The following SCAPER variants were observed in gnomAD, a reference collection of about 807,000 sequenced individuals.
SCAPER encodes S-phase cyclin A associated protein in the ER, also known as S phase cyclin A-associated protein in the endoplasmic reticulum.
SCAPER carries 98 observed loss-of-function variants against 182.2 expected under a neutral mutation model. The observed-to-expected ratio is 0.54, with a 90% CI of 0.46 to 0.64. SCAPER has a LOEUF of 0.64. SCAPER is among the 30% of genes least tolerant of loss of function. The pLI, the probability that SCAPER is intolerant of heterozygous loss-of-function variation, is 0.00. For synonymous variants in SCAPER, 605 were observed against 564.6 expected (o/e 1.07, Z -1.01); for missense variants, 1,432 against 1,690.0 (o/e 0.85, Z 2.68).
At chr15:76,860,176 C>T (rs1176288370) in intron 3 of SCAPER, among the ~76,000 whole-genome samples, 1 of 152,076 alleles carries the variant, frequency 6.6e-6, no homozygotes, top group African/African-American at 2.4e-5. Context: ...TTAATAGAAA[C>T]ACCTTTGAAC....
intron 24 of SCAPER, among the ~76,000 whole-genome samples, chr15:76,483,243 C>G (rs2051293820): frequency 7.0e-6 from 1 of 143,772 alleles, no homozygotes; most frequent in Non-Finnish European, 1.5e-5. Flanking sequence ...GGCAACCAAA[C>G]AAAGAACAGT....
rs775783237 is a variant in SCAPER at position 76,733,293 on chromosome 15, T to C, written c.1958A>G (p.Asn653Ser). 1 of 1,610,920 alleles carries C rather than the reference T, an allele frequency of 6.2e-7. No individual in the cohort carries two copies. The highest frequency in any genetic ancestry group is 8.5e-7 in the Non-Finnish European group (1 of 1,178,400). The change falls in exon 16 of 32, where the codon AAT becomes AGT. Residue 653 changes from asparagine to serine, a missense_variant. Asn to Ser is a conservative substitution (Grantham distance 46, BLOSUM62 1). This residue lies in a region of SCAPER where 88 missense variants were observed against 184.2 expected (regional missense o/e 0.48). Coordinates refer to ENST00000563290, the MANE Select transcript of SCAPER (RefSeq NM_020843.4). The stretch of plus-strand genomic sequence containing the variant: ...TCTCTGACGCTCTTCCTGTAGCTCA[T>C]TAAGCCTCTGTTCATATTCCTTCAA... ...SKLKEYEQRL[N>S]ELQEERQRRQ... is the part of the protein sequence containing the mutation.
intron 20 of SCAPER, among the ~76,000 whole-genome samples, chr15:76,683,299 A>C (rs1181033945): frequency 6.6e-6 from 1 of 152,242 alleles, no homozygotes; most frequent in Non-Finnish European, 1.5e-5. Context: ...AGCTGAGGAA[A>C]GAATCTCAGG....
chr15:76,666,276 G>C (rs1396505991), intron 20 of SCAPER, among the ~76,000 whole-genome samples: 1 of 152,160 alleles, frequency 6.6e-6, no homozygotes, highest in Non-Finnish European at 1.5e-5. Context: ...TATTTGGCCT[G>C]TGAGTAGGGT....
intron 20 of SCAPER, among the ~76,000 whole-genome samples, chr15:76,687,581 T>C (rs996544543): frequency 5.9e-5 from 9 of 152,122 alleles, no homozygotes; most frequent in South Asian, 4.1e-4. Context: ...CCTAATACTA[T>C]CCCTCCCCTA....
At chr15:76,610,928 C>T (rs1387637649) in intron 22 of SCAPER, among the ~76,000 whole-genome samples, 1 of 152,048 alleles carries the variant, frequency 6.6e-6, no homozygotes, top group Non-Finnish European at 1.5e-5. Flanking sequence ...TTCTAAAATA[C>T]AAATGGAACA....
chr15:76,495,483 C>T (rs150191688), intron 24 of SCAPER, among the ~76,000 whole-genome samples: 1,594 of 146,004 alleles, frequency 0.011, 28 homozygotes, highest in African/African-American at 0.039. Context: ...GAGGCTGAGG[C>T]AGGAGAATCG....
chr15:76,516,195 T>A (rs188738574), intron 23 of SCAPER, among the ~76,000 whole-genome samples: 12 of 151,114 alleles, frequency 7.9e-5, no homozygotes, highest in South Asian at 2.1e-4. Context: ...TTTTTTTTTT[T>A]ATATATATTC....
intron 21 of SCAPER, among the ~76,000 whole-genome samples, chr15:76,643,668 CGAAACTCTGT>C (rs2054297026): frequency 6.6e-6 from 1 of 152,006 alleles, no homozygotes; most frequent in Non-Finnish European, 1.5e-5. Context: ...GGTGACAGGG[CGAAACTCTGT>C]CTTTAAAAAA....
intron 29 of SCAPER, among the ~76,000 whole-genome samples, chr15:76,374,687 G>T (rs946390227): frequency 2.6e-5 from 4 of 151,710 alleles, no homozygotes; most frequent in African/African-American, 9.7e-5. Flanking sequence ...CTTCATGTTG[G>T]TGAGTATGTG....
chr15:76,628,655 C>T (rs560593109), intron 21 of SCAPER, among the ~76,000 whole-genome samples: 42 of 152,216 alleles, frequency 2.8e-4, no homozygotes, highest in Admixed American at 1.2e-3. Flanking sequence ...ACCAGTACCA[C>T]GCTATTTTGG....
At chr15:76,890,710 T>G (rs1009110637) in intron 1 of SCAPER, among the ~76,000 whole-genome samples, 3 of 152,112 alleles carry the variant, frequency 2.0e-5, no homozygotes, top group Admixed American at 1.3e-4. Context: ...CAGGACCAGA[T>G]AGATTCACAG....
At chr15:76,802,875 A>G (rs1223027753) in intron 6 of SCAPER, among the ~76,000 whole-genome samples, 2 of 152,180 alleles carry the variant, frequency 1.3e-5, no homozygotes, top group Non-Finnish European at 2.9e-5. Context: ...AATTACTTAG[A>G]TGTCTAAACT....
intron 5 of SCAPER, among the ~76,000 whole-genome samples, chr15:76,837,758 G>C (rs893269016): frequency 6.6e-5 from 10 of 152,014 alleles, no homozygotes; most frequent in African/African-American, 2.2e-4. Flanking sequence ...CAAAGTACAC[G>C]AACAGACATT....
At chr15:76,733,840 A>T (rs533519908) in intron 15 of SCAPER, among the ~76,000 whole-genome samples, 1 of 152,300 alleles carries the variant, frequency 6.6e-6, no homozygotes, top group South Asian at 2.1e-4. Context: ...CAAAAAAAAA[A>T]TGAAGGAATT....
chr15:76,527,860 G>A lies in SCAPER; in HGVS notation c.2839-22886C>T, dbSNP rs188791369. On this transcript the variant is annotated intron_variant, in intron 23 of 31. Coordinates refer to ENST00000563290, the MANE Select transcript of SCAPER (RefSeq NM_020843.4). ...ATTTTTATTTTTTATGTATTTGGAG[G>A]AGAAGGATGTGTCAATGTATAAACT... is the stretch of plus-strand genomic sequence containing the variant. Among the ~76,000 whole-genome samples, 62 of 152,176 alleles carry A rather than the reference G, an allele frequency of 4.1e-4. 1 individual carries two copies. Among genetic ancestry groups the A allele is most frequent in the Admixed American group, 3.9e-3 (60 of 15,296 alleles).
At chr15:76,615,492 GAC>G (rs200914871) in intron 22 of SCAPER, among the ~76,000 whole-genome samples, 21,649 of 140,394 alleles carry the variant, frequency 0.15, 1,860 homozygotes, top group Middle Eastern at 0.3. Context: ...CACACACACA[GAC>G]ACACACACAC....
chr15:76,377,655 A>G (rs183108873), intron 28 of SCAPER, among the ~76,000 whole-genome samples: 26 of 152,386 alleles, frequency 1.7e-4, no homozygotes, highest in Admixed American at 5.9e-4. Flanking sequence ...TGCCAATATG[A>G]ATTCAGAGTG....
intron 20 of SCAPER, among the ~76,000 whole-genome samples, chr15:76,674,544 A>C (rs1444114835): frequency 6.6e-6 from 1 of 152,166 alleles, no homozygotes; most frequent in African/African-American, 2.4e-5. Flanking sequence ...CGGTGTTTTA[A>C]GGTCCATTTA....
Sources: gnomAD v4.1 joint callset for allele counts (sites outside exome capture counted in the v4.1 genomes callset) on GRCh38, gnomAD v4.1.1 for gene constraint, gnomAD v4.1.1 regional missense constraint, MANE v1.5 for transcripts, NCBI Gene and HGNC (gene_info 2026-07-23, HGNC 2026-07-21) for gene names.